MEI4: variants seen among roughly 807,000 people sequenced by gnomAD.
MEI4 encodes the protein meiosis-specific protein MEI4.
Under a neutral mutation model 31.4 loss-of-function variants are expected in MEI4, and 27 were observed. That is an observed-to-expected ratio of 0.86 (90% CI 0.63 to 1.19). The LOEUF is 1.19. MEI4 is among the 50% of genes most tolerant of loss of function. MEI4 has a pLI of 0.00. For missense variants in MEI4, 329 were observed against 398.9 expected, an observed-to-expected ratio of 0.82 and a Z score of 1.49; for synonymous variants, 122 against 145.4, an observed-to-expected ratio of 0.84 and a Z score of 1.16.
At chr6:77,905,555 G>A (rs1766277079) in intron 4 of MEI4, among the ~76,000 whole-genome samples, 1 of 130,298 alleles carries the variant, frequency 7.7e-6, no homozygotes. Flanking sequence ...GGAGTGCAGT[G>A]GCACGATCTC....
At chr6:77,907,240 A>T (rs1416206263) in intron 4 of MEI4, among the ~76,000 whole-genome samples, 1 of 151,616 alleles carries the variant, frequency 6.6e-6, no homozygotes, top group African/African-American at 2.4e-5. Flanking sequence ...GCACCCATTA[A>T]CTCTTCATTT....
chr6:77,916,782 ATTATAC>A (rs1287460835), intron 4 of MEI4, among the ~76,000 whole-genome samples: 3 of 148,568 alleles, frequency 2.0e-5, no homozygotes, highest in South Asian at 4.2e-4. Flanking sequence ...TTTTTTTAAT[ATTATAC>A]TTTAAGTTTT....
At chr6:77,812,069 A>G (rs1384674854) in intron 3 of MEI4, among the ~76,000 whole-genome samples, 1 of 152,158 alleles carries the variant, frequency 6.6e-6, no homozygotes, top group Non-Finnish European at 1.5e-5. Flanking sequence ...TTATTTAGGT[A>G]ATAACAGTGA....
At chr6:77,795,647 A>G (rs758552450) in intron 3 of MEI4, among the ~76,000 whole-genome samples, 1 of 152,172 alleles carries the variant, frequency 6.6e-6, no homozygotes, top group Non-Finnish European at 1.5e-5. Flanking sequence ...TACTGTGAAC[A>G]TTATATGGAT....
At chr6:77,804,137 G>A (rs901669327) in intron 3 of MEI4, among the ~76,000 whole-genome samples, 2 of 152,178 alleles carry the variant, frequency 1.3e-5, no homozygotes, top group Non-Finnish European at 2.9e-5. Context: ...GAGCTTCCTG[G>A]TGGCTTTGTT....
intron 2 of MEI4, among the ~76,000 whole-genome samples, chr6:77,734,249 T>A (rs1003466717): frequency 6.6e-6 from 1 of 152,026 alleles, no homozygotes; most frequent in Non-Finnish European, 1.5e-5. Context: ...CCATTATTAA[T>A]GTGTGGGAGT....
intron 2 of MEI4, among the ~76,000 whole-genome samples, chr6:77,732,178 G>A (rs1767020966): frequency 6.6e-6 from 1 of 151,692 alleles, no homozygotes; most frequent in Non-Finnish European, 1.5e-5. Flanking sequence ...GTCATTGGTA[G>A]CTTGATGGGG....
At chr6:77,910,623 T>C (rs1009535303) in intron 4 of MEI4, among the ~76,000 whole-genome samples, 6 of 152,042 alleles carry the variant, frequency 3.9e-5, no homozygotes, top group Admixed American at 3.9e-4. Flanking sequence ...AAAATGGCCA[T>C]ACAGCCCAAA....
intron 2 of MEI4, among the ~76,000 whole-genome samples, chr6:77,698,003 C>A (rs949320333): frequency 6.6e-6 from 1 of 152,128 alleles, no homozygotes; most frequent in African/African-American, 2.4e-5. Context: ...TTGAATTGAT[C>A]CCTTTGCCAT....
intron 2 of MEI4, among the ~76,000 whole-genome samples, chr6:77,745,452 G>T (rs1441930870): frequency 3.3e-5 from 5 of 152,120 alleles, no homozygotes; most frequent in Admixed American, 6.5e-5. Context: ...CAATACAGGA[G>T]CACCCAGATT....
chr6:77,809,853 T>C (rs1378364822), intron 3 of MEI4, among the ~76,000 whole-genome samples: 1 of 152,204 alleles, frequency 6.6e-6, no homozygotes, highest in Non-Finnish European at 1.5e-5. Flanking sequence ...AAAAAATCAT[T>C]GTTTATTTGA....
chr6:77,659,623 G>C (rs1581996415), intron 1 of MEI4, among the ~76,000 whole-genome samples: 2 of 152,270 alleles, frequency 1.3e-5, no homozygotes, highest in Admixed American at 1.3e-4. Flanking sequence ...CCTGGGAGGA[G>C]AGTCTGATGA....
intron 2 of MEI4, among the ~76,000 whole-genome samples, chr6:77,748,241 G>A (rs1340561247): frequency 6.6e-6 from 1 of 152,204 alleles, no homozygotes; most frequent in African/African-American, 2.4e-5. Context: ...CACTGCCATA[G>A]CAGTGGCTCT....
chr6:77,671,615 T>G (rs1010649325), intron 1 of MEI4, among the ~76,000 whole-genome samples: 1 of 152,222 alleles, frequency 6.6e-6, no homozygotes, highest in African/African-American at 2.4e-5. Context: ...TTGCATTTTC[T>G]ATTTATTAAC....
chr6:77,666,316 T>C (rs10155716), intron 1 of MEI4, among the ~76,000 whole-genome samples: 2,915 of 152,240 alleles, frequency 0.019, 89 homozygotes, highest in African/African-American at 0.067. Flanking sequence ...ATCACAATAG[T>C]GGAATGTCAT....
intron 2 of MEI4, among the ~76,000 whole-genome samples, chr6:77,759,804 T>G (rs1768003383): frequency 6.6e-6 from 1 of 152,170 alleles, no homozygotes; most frequent in Non-Finnish European, 1.5e-5. Context: ...GCTCAATGTT[T>G]TATTATGTTC....
rs369154303 is a variant in MEI4 at position 77,798,523 on chromosome 6, G to A, written c.769-30408G>A. Among the ~76,000 whole-genome samples the A allele has an allele frequency of 9.3e-5, 14 of 151,284 alleles. No individual in the cohort carries two copies. The East Asian group carries it at 2.3e-3, about 25-fold the overall frequency. On this transcript the variant is annotated intron_variant, in intron 3 of 4. Transcript: ENST00000684080. ...TATTATTATTATACTTTAAGTTTTAGGGTACATGTGCACATTGTGAAGGTT... is the reference window on the plus strand; with the variant it reads ...TATTATTATTATACTTTAAGTTTTAAGGTACATGTGCACATTGTGAAGGTT...
At chr6:77,883,745 A>ATATATATATATATATATATATATATATAT (rs55947073) in intron 4 of MEI4, among the ~76,000 whole-genome samples, 2 of 82,310 alleles carry the variant, frequency 2.4e-5, no homozygotes, top group Admixed American at 1.3e-4. Context: ...TATATATATA[A>ATATATATATATATATATATATATATATAT]CTTTGTCTTT....
intron 3 of MEI4, among the ~76,000 whole-genome samples, chr6:77,783,631 A>G (rs1201006837): frequency 1.0e-5 from 1 of 95,754 alleles, no homozygotes; most frequent in East Asian, 3.7e-4. Context: ...TTTAGTCCAA[A>G]GTAAGAAGCC....
Sources: gnomAD v4.1 joint callset for allele counts (sites outside exome capture counted in the v4.1 genomes callset) on GRCh38, gnomAD v4.1.1 for gene constraint, MANE v1.5 for transcripts, NCBI Gene and HGNC (gene_info 2026-07-23, HGNC 2026-07-21) for gene names.